CHAF1B: variants seen among roughly 807,000 people sequenced by gnomAD.
CHAF1B encodes the protein CAF-1 subunit B.
Under a neutral mutation model 60.7 loss-of-function variants are expected in CHAF1B, and 10 were observed. The observed-to-expected ratio is 0.16, with a 90% CI of 0.10 to 0.28. The LOEUF (loss-of-function observed/expected upper bound fraction) is 0.28. Ranked by LOEUF, CHAF1B falls within the 10% of genes least tolerant of loss-of-function variation. CHAF1B has a pLI of 1.00. For missense variants in CHAF1B, 558 were observed against 708.4 expected (o/e 0.79, Z 2.41); for synonymous variants, 261 against 266.1 (o/e 0.98, Z 0.19).
In CHAF1B at chr21:36,386,174, A is replaced by C; in HGVS notation, c.38A>C (p.Lys13Thr). The C allele has an allele frequency of 6.2e-7, 1 of 1,614,204 alleles. No homozygotes were observed. Among genetic ancestry groups the C allele is most frequent in the Non-Finnish European group, 8.5e-7 (1 of 1,180,020 alleles). Residue 13 changes from lysine (K) to threonine (T), a missense_variant, in exon 2 of 14, where the codon AAG (lysine) becomes ACG (threonine). This residue lies in a region of CHAF1B where 325 missense variants were observed against 493.5 expected (regional missense o/e 0.66). Transcript: ENST00000314103. ...VITCEIAWHN[K>T]EPVYSLDFQH... ...ACTTGTGAAATAGCCTGGCACAACA[A>C]GGAGCCCGTGTACAGCCTGGACTTC... is the stretch of plus-strand genomic sequence containing the variant.
intron 13 of CHAF1B, 105 bp from the exon 14 acceptor site, chr21:36,416,170 C>A: frequency 2.1e-6 from 2 of 960,300 alleles, no homozygotes; most frequent in Non-Finnish European, 3.1e-6. Flanking sequence ...AGGATCTTGC[C>A]AGGCAGCTCA....
At chr21:36,393,702 C>T (rs2086112849) in intron 4 of CHAF1B, among the ~76,000 whole-genome samples, 1 of 152,148 alleles carries the variant, frequency 6.6e-6, no homozygotes, top group African/African-American at 2.4e-5. Flanking sequence ...GATCCGCCCA[C>T]CTCGGCCTCC....
In CHAF1B at chr21:36,416,316, C is replaced by T. The variant is rs768250753; in HGVS notation, c.1630C>T (p.Arg544Trp). The change falls in exon 14 of 14, where the codon CGG becomes TGG. Residue 544 changes from arginine (R) to tryptophan (W), a missense_variant. Physicochemically the swap from Arg to Trp is moderately radical, Grantham distance 101. Transcript: ENST00000314103. The part of the protein sequence containing the change: ...DAQGSPPELK[R>W]PRLDENKGGT... ...TCAGGGCAGTCCCCCAGAGCTAAAGCGGCCCAGACTCGATGAAAACAAAGG... is the reference window on the plus strand; with the variant it reads ...TCAGGGCAGTCCCCCAGAGCTAAAGTGGCCCAGACTCGATGAAAACAAAGG... 1.2e-5 allele frequency: 20 copies of T among 1,613,898 alleles called. No individual in the cohort carries two copies. Among genetic ancestry groups the T allele is most frequent in the Middle Eastern group, 1.6e-4 (1 of 6,084 alleles).
chr21:36,396,595 A>G (rs1023464078), intron 5 of CHAF1B, among the ~76,000 whole-genome samples: 2 of 151,200 alleles, frequency 1.3e-5, no homozygotes, highest in African/African-American at 4.9e-5. Context: ...TTGAGGCTGC[A>G]GTGAGCTCTG....
chr21:36,397,689 T>C, intron 6 of CHAF1B, 178 bp downstream of exon 6: 1 of 368,250 alleles, frequency 2.7e-6, no homozygotes, highest in Non-Finnish European at 4.9e-6. Context: ...TTAGGACAAG[T>C]GCCTTACACG....
At chr21:36,408,069 T>C (rs752655935) in intron 8 of CHAF1B, among the ~76,000 whole-genome samples, 6 of 152,194 alleles carry the variant, frequency 3.9e-5, no homozygotes, top group Non-Finnish European at 7.4e-5. Context: ...CCCTGGTGGA[T>C]ATGAAACAGT....
intron 8 of CHAF1B, among the ~76,000 whole-genome samples, chr21:36,404,821 G>C (rs1178775552): frequency 7.1e-6 from 1 of 139,954 alleles, no homozygotes; most frequent in Non-Finnish European, 1.5e-5. Context: ...TTGGCTCACT[G>C]TAGCCTCCAC....
At position 36,416,519 on chromosome 21, in the gene CHAF1B, C is replaced by T; in HGVS notation, c.*153C>T. 1 of 535,962 alleles carries T rather than the reference C, an allele frequency of 1.9e-6. No homozygotes were observed. The allele number at this position is 535,962 out of a possible 1,614,324, so 33.2% of individuals were successfully genotyped here. A position where few individuals can be genotyped will look rare whatever the true frequency, so the allele number is the denominator to read the frequency against. On this transcript the variant is annotated 3_prime_UTR_variant, in exon 14 of 14. Transcript: ENST00000314103. ...AAGTGACATGTGTACTGATTTTTCT[C>T]CAGAAATATGGATGCTGTTGTATTC...
At chr21:36,394,727 T>TA in intron 5 of CHAF1B, 77 bp downstream of exon 5, 55 of 960,362 alleles carry the variant, frequency 5.7e-5, no homozygotes, top group Non-Finnish European at 7.5e-5. Flanking sequence ...TAACTTGCTT[T>TA]AACTTTTTTT....
rs1342034915 is a variant in CHAF1B, at chr21:36,385,448, C to A, written c.-81C>A. ...GGTGCCTCTGACTGTCCGGGTCCCT[C>A]CAGGTACGGCTTCCCTGGCCCGGGC... On this transcript the variant is annotated 5_prime_UTR_variant, in exon 1 of 14. Transcript: ENST00000314103. 4 of 152,010 alleles carry A rather than the reference C, an allele frequency of 2.6e-5. No individual in the cohort carries two copies. Among genetic ancestry groups the A allele is most frequent in the African/African-American group, 9.7e-5 (4 of 41,420 alleles). 9.4% of individuals were successfully genotyped at this position (152,010 alleles called of 1,614,324 possible). A position where few individuals can be genotyped will look rare whatever the true frequency, so the allele number is the denominator to read the frequency against.
At position 36,415,286 on chromosome 21, in the gene CHAF1B, TAAATCA is replaced by T; in HGVS notation, c.1494-7_1494-2del. 1 of 1,541,696 alleles carries T rather than the reference TAAATCA, an allele frequency of 6.5e-7. No individual in the cohort carries two copies. The highest frequency in any genetic ancestry group is 1.7e-5 in the Admixed American group (1 of 58,528). On this transcript the variant is annotated splice_polypyrimidine_tract_variant and splice_region_variant and intron_variant, in intron 12 of 13. Transcript: ENST00000314103. ...CATCACCCCTCTACTTTTTTTTTTT[TAAATCA>T]AGGAGAATAAACTTAACACCCTTAA...
chr21:36,408,785 A>G lies in CHAF1B; in HGVS notation c.782A>G (p.Asn261Ser). The change falls in exon 9 of 14, where the codon AAT (asparagine) becomes AGT (serine). Residue 261 changes from asparagine (N) to serine (S), a missense_variant. Asn to Ser is a conservative substitution (Grantham distance 46, BLOSUM62 1). Coordinates refer to ENST00000314103, the MANE Select transcript of CHAF1B (RefSeq NM_005441.3). ...GCTGGATGTGTGGAATCTGGTGAAA[A>G]TGTAATGAATACCACTTATGTTTTC... ...TPAGCVESGE[N>S]VMNTTYVFSR... The G allele has an allele frequency of 6.2e-7, 1 of 1,610,340 alleles. No homozygotes were observed. Among genetic ancestry groups the G allele is most frequent in the Non-Finnish European group, 8.5e-7 (1 of 1,176,644 alleles).
At chr21:36,388,624 C>T (rs2086056280) in intron 3 of CHAF1B, among the ~76,000 whole-genome samples, 1 of 151,702 alleles carries the variant, frequency 6.6e-6, no homozygotes, top group African/African-American at 2.4e-5. Context: ...CTGCCACCAC[C>T]CCCGGCTAAT....
chr21:36,403,147 G>T (rs1299083169), intron 8 of CHAF1B, among the ~76,000 whole-genome samples: 7 of 151,922 alleles, frequency 4.6e-5, no homozygotes, highest in African/African-American at 1.7e-4. Flanking sequence ...AAAATGATAG[G>T]CATTTTCTCT....
At chr21:36,415,425 G>T (rs1299718752) in intron 13 of CHAF1B, 36 bp downstream of exon 13, 1 of 1,303,198 alleles carries the variant, frequency 7.7e-7, no homozygotes, top group African/African-American at 1.5e-5. Context: ...TATAATGAAA[G>T]GTAGAGTATC....
At chr21:36,410,666 G>T (rs1281614817) in intron 10 of CHAF1B, among the ~76,000 whole-genome samples, 1 of 149,378 alleles carries the variant, frequency 6.7e-6, no homozygotes, top group African/African-American at 2.5e-5. Context: ...TTTTCCTCTT[G>T]CTGCTTTCTT....
At chr21:36,392,153 T>A (rs548745048) in intron 4 of CHAF1B, among the ~76,000 whole-genome samples, 3 of 151,956 alleles carry the variant, frequency 2.0e-5, no homozygotes, top group South Asian at 4.2e-4. Flanking sequence ...CCTTCAAGCA[T>A]CTGTTTAACA....
chr21:36,386,583 G>A (rs951101880), intron 2 of CHAF1B, among the ~76,000 whole-genome samples: 1 of 152,186 alleles, frequency 6.6e-6, no homozygotes, highest in Non-Finnish European at 1.5e-5. Flanking sequence ...GGGTGACAGA[G>A]CCAGACCCTT....
Position 36,396,470 on chromosome 21 carries a change from G to A in CHAF1B, c.482-945G>A, listed in dbSNP as rs867091176. On this transcript the variant is annotated intron_variant, in intron 5 of 13. Transcript: ENST00000314103. ...AAGCCTAGGAATTCAAGACCAGCAT[G>A]GGCAACATGGCAAAACCCTCTCTCT... is the stretch of plus-strand genomic sequence containing the variant. Among the ~76,000 whole-genome samples, 5 of 150,848 alleles carry A rather than the reference G, an allele frequency of 3.3e-5. 1 individual carries two copies. The Middle Eastern group carries it at 0.011, about 319-fold the overall frequency.
Sources: gnomAD v4.1 joint callset for allele counts (sites outside exome capture counted in the v4.1 genomes callset) on GRCh38, gnomAD v4.1.1 for gene constraint, gnomAD v4.1.1 regional missense constraint, MANE v1.5 for transcripts, NCBI Gene and HGNC (gene_info 2026-07-23, HGNC 2026-07-21) for gene names.